Variants in DGLUCY observed in about 807,000 individuals in gnomAD.
DGLUCY encodes the protein D-glutamate cyclase, mitochondrial.
In DGLUCY, 58 loss-of-function variants were observed where a neutral mutation model predicts 58.5. That is an observed-to-expected ratio of 0.99 (90% CI 0.80 to 1.23). DGLUCY has a LOEUF of 1.23. DGLUCY is among the 50% of genes most tolerant of loss of function. The pLI is 0.00. For synonymous variants in DGLUCY, 325 were observed against 314.1 expected (o/e 1.03, Z -0.37); for missense variants, 779 against 784.7 (o/e 0.99, Z 0.09).
intron 5 of DGLUCY, among the ~76,000 whole-genome samples, chr14:91,170,591 C>A (rs1160345886): frequency 6.6e-6 from 1 of 152,182 alleles, no homozygotes; most frequent in African/African-American, 2.4e-5. Flanking sequence ...TGTGGCAGAG[C>A]CTCGGCCAGG....
chr14:91,159,650 G>C (rs1300220636), intron 2 of DGLUCY, among the ~76,000 whole-genome samples: 1 of 152,206 alleles, frequency 6.6e-6, no homozygotes, highest in Non-Finnish European at 1.5e-5. Flanking sequence ...TGTGCCTAGA[G>C]TGGGGTTAGG....
chr14:91,215,172 TAAATAC>T (rs1363503503), intron 12 of DGLUCY, among the ~76,000 whole-genome samples: 1 of 152,102 alleles, frequency 6.6e-6, no homozygotes, highest in African/African-American at 2.4e-5. Context: ...AATAAATAAA[TAAATAC>T]AAATAAAGAA....
At chr14:91,138,033 T>C (rs1225017160) in intron 1 of DGLUCY, among the ~76,000 whole-genome samples, 1 of 152,204 alleles carries the variant, frequency 6.6e-6, no homozygotes, top group East Asian at 1.9e-4. Flanking sequence ...AGAGTTTTTA[T>C]ATCTATACTC....
At chr14:91,157,215 G>GTGGATGGATGGA (rs1285466055) in intron 1 of DGLUCY, among the ~76,000 whole-genome samples, 3 of 106,334 alleles carry the variant, frequency 2.8e-5, no homozygotes, top group African/African-American at 1.0e-4. Context: ...GAATGAATGG[G>GTGGATGGATGGA]TGGATGGATG....
chr14:91,199,792 G>T lies in DGLUCY; in HGVS notation c.1331G>T (p.Arg444Ile), dbSNP rs1259794785. ...DHLVAIERAG[R>I]AADGNYYNAR... ...CTGGTGGCCATAGAGCGTGCCGGAA[G>T]AGCTGCTGATGGCAATTACTACAAT... Residue 444 changes from arginine to isoleucine, a missense_variant, in exon 11 of 14, where the codon AGA becomes ATA. Arg to Ile is a moderately conservative substitution (Grantham distance 97). Transcript: ENST00000256324. 6.2e-7 allele frequency: 1 copy of T among 1,614,206 alleles called. No individual in the cohort carries two copies. The highest frequency in any genetic ancestry group is 1.1e-5 in the South Asian group (1 of 91,082).
At chr14:91,207,242 A>G (rs992360436) in intron 12 of DGLUCY, among the ~76,000 whole-genome samples, 2 of 150,942 alleles carry the variant, frequency 1.3e-5, no homozygotes, top group African/African-American at 2.4e-5. Context: ...TGGGCTTATT[A>G]GTAGACCGGA....
intron 1 of DGLUCY, among the ~76,000 whole-genome samples, chr14:91,127,548 C>T (rs931921925): frequency 6.6e-5 from 10 of 152,350 alleles, no homozygotes; most frequent in South Asian, 4.1e-4. Context: ...GGGATGAGGC[C>T]GGGCTGTCTG....
At position 91,132,703 on chromosome 14, in the gene DGLUCY, C is replaced by T. The variant is rs181521425; in HGVS notation, c.-82+18420C>T. On this transcript the variant is annotated intron_variant, in intron 1 of 13. Transcript: ENST00000256324. The stretch of plus-strand genomic sequence containing the variant: ...ATGTTGTCCAGGGTGGTCTCGAACT[C>T]CTGACCTCAGGTAATCTGCCAGCCT... Among the ~76,000 whole-genome samples, 918 of 152,022 alleles carry T rather than the reference C, an allele frequency of 6.0e-3. 5 individuals carry two copies. Among genetic ancestry groups the T allele is most frequent in the Non-Finnish European group, 9.6e-3 (651 of 67,974 alleles).
intron 13 of DGLUCY, among the ~76,000 whole-genome samples, chr14:91,221,887 A>G (rs1301321798): frequency 6.6e-6 from 1 of 151,912 alleles, no homozygotes; most frequent in African/African-American, 2.4e-5. Context: ...CCCAGAAGGC[A>G]CCCCACTTTG....
chr14:91,067,950 CAGTT>C (rs1208207996), intron 1 of DGLUCY, among the ~76,000 whole-genome samples: 2 of 152,150 alleles, frequency 1.3e-5, no homozygotes, highest in Non-Finnish European at 2.9e-5. Flanking sequence ...AAGACCAACA[CAGTT>C]AGGGGGTGGT....
At chr14:91,073,412 G>A (rs1045761045) in intron 1 of DGLUCY, among the ~76,000 whole-genome samples, 5 of 152,344 alleles carry the variant, frequency 3.3e-5, no homozygotes, top group African/African-American at 1.2e-4. Flanking sequence ...CTATACTCCA[G>A]CCTGGGCGAC....
chr14:91,108,148 T>C (rs1433552739), intron 1 of DGLUCY: 3 of 152,616 alleles, frequency 2.0e-5, no homozygotes, highest in Non-Finnish European at 4.4e-5. Flanking sequence ...AGTGTCTTCG[T>C]GGTTCTGGAA....
intron 8 of DGLUCY, among the ~76,000 whole-genome samples, chr14:91,181,846 C>G (rs192825791): frequency 1.3e-5 from 2 of 151,926 alleles, no homozygotes; most frequent in East Asian, 3.9e-4. Context: ...AGGATTTCAC[C>G]ATGTTGGCCA....
chr14:91,170,624 C>T (rs952469556), intron 5 of DGLUCY, among the ~76,000 whole-genome samples: 3 of 152,200 alleles, frequency 2.0e-5, no homozygotes, highest in African/African-American at 7.2e-5. Context: ...GGTCAGGTCT[C>T]TGTCCAGAAA....
chr14:91,117,662 TACAC>T (rs1026832294), intron 1 of DGLUCY, among the ~76,000 whole-genome samples: 1 of 74,266 alleles, frequency 1.3e-5, no homozygotes, highest in African/African-American at 5.1e-5. Flanking sequence ...CACACACACA[TACAC>T]ACACACACAC....
intron 12 of DGLUCY, among the ~76,000 whole-genome samples, chr14:91,213,379 G>A (rs980963177): frequency 3.3e-5 from 5 of 152,018 alleles, no homozygotes; most frequent in Non-Finnish European, 7.4e-5. Flanking sequence ...AGGTTGCAGT[G>A]GGCTGAGATC....
At chr14:91,068,079 G>GCACA (rs57428509) in intron 1 of DGLUCY, among the ~76,000 whole-genome samples, 3,826 of 146,362 alleles carry the variant, frequency 0.026, 56 homozygotes, top group South Asian at 0.034. Context: ...ACACGCGCAC[G>GCACA]CACACACACA....
Position 91,217,652 on chromosome 14 carries a change from T to C in DGLUCY, c.1716+2096T>C, listed in dbSNP as rs535735015. Among the ~76,000 whole-genome samples, 4 of 150,678 alleles carry C rather than the reference T, an allele frequency of 2.7e-5. No homozygotes were observed. In the South Asian group the frequency reaches 8.4e-4, roughly 32 times the overall value. ...GGTGCCTGCCACCATGCCCAGCTAA[T>C]TTTTTTTGTATTTTTAGTAGAGACA... On this transcript the variant is annotated intron_variant, in intron 13 of 13. Coordinates refer to ENST00000256324, the MANE Select transcript of DGLUCY (RefSeq NM_001102368.3).
At chr14:91,188,734 C>T (rs1018369697) in intron 8 of DGLUCY, among the ~76,000 whole-genome samples, 176 bp from the exon 9 acceptor site, 15 of 151,998 alleles carry the variant, frequency 9.9e-5, no homozygotes, top group Admixed American at 6.6e-4. Flanking sequence ...GAGGGTGAGG[C>T]GGGAGGATCA....
Sources: gnomAD v4.1 joint callset for allele counts (sites outside exome capture counted in the v4.1 genomes callset) on GRCh38, gnomAD v4.1.1 for gene constraint, MANE v1.5 for transcripts, NCBI Gene and HGNC (gene_info 2026-07-23, HGNC 2026-07-21) for gene names.